FMN1: variants seen among roughly 807,000 people sequenced by gnomAD.
The protein encoded by FMN1 is formin 1, also known as formin-1.
A neutral mutation model predicts 132.4 loss-of-function variants in FMN1; 110 were observed. The observed-to-expected ratio is 0.83, with a 90% CI of 0.71 to 0.97. FMN1 has a LOEUF of 0.97. Among genes scored for constraint, FMN1 ranks in the 50% least tolerant of loss-of-function variants. FMN1 has a pLI of 0.00. For synonymous variants in FMN1, 722 were observed against 651.7 expected (o/e 1.11, Z -1.64); for missense variants, 1,792 against 1,705.3 (o/e 1.05, Z -0.90).
At position 32,862,392 on chromosome 15, in the gene FMN1, A is replaced by G. The variant is rs149967408; in HGVS notation, c.3836-5285T>C. ...TAAAAATATATTAATTTCCGAAGTT[A>G]GTTACTACTAAGTGATCACTGTGAG... On this transcript the variant is annotated intron_variant, in intron 16 of 20. Coordinates refer to ENST00000616417, the MANE Select transcript of FMN1 (RefSeq NM_001277313.2). Among the ~76,000 whole-genome samples the G allele has an allele frequency of 1.8e-3, 280 of 152,360 alleles. 1 individual carries two copies. Among genetic ancestry groups the G allele is most frequent in the African/African-American group, 6.5e-3 (269 of 41,594 alleles).
chr15:33,056,922 A>T (rs2037242919), intron 6 of FMN1, among the ~76,000 whole-genome samples: 1 of 152,230 alleles, frequency 6.6e-6, no homozygotes, highest in Admixed American at 6.5e-5. Context: ...CACACCTGTA[A>T]TCCCAGCGCT....
At chr15:33,178,803 T>C (rs969433724) in intron 3 of FMN1, among the ~76,000 whole-genome samples, 4 of 152,206 alleles carry the variant, frequency 2.6e-5, no homozygotes, top group East Asian at 1.9e-4. Context: ...TATTCAAGAA[T>C]AGAATCCCAA....
intron 4 of FMN1, among the ~76,000 whole-genome samples, chr15:33,093,806 G>C (rs2038985691): frequency 6.6e-6 from 1 of 152,192 alleles, no homozygotes; most frequent in Non-Finnish European, 1.5e-5. Flanking sequence ...TCTGAACATT[G>C]ATGAGGAAAG....
chr15:33,078,575 G>A (rs1036366207), intron 5 of FMN1, among the ~76,000 whole-genome samples: 3 of 150,884 alleles, frequency 2.0e-5, no homozygotes, highest in Non-Finnish European at 4.4e-5. Context: ...AATCCTTAAT[G>A]CAATTTAGAA....
At chr15:33,035,088 G>A (rs1455025324) in intron 6 of FMN1, among the ~76,000 whole-genome samples, 3 of 152,170 alleles carry the variant, frequency 2.0e-5, no homozygotes, top group Non-Finnish European at 2.9e-5. Flanking sequence ...GTTACAGAGA[G>A]AACCAATTCA....
At chr15:33,032,442 A>C (rs961006025) in intron 6 of FMN1, among the ~76,000 whole-genome samples, 1 of 152,200 alleles carries the variant, frequency 6.6e-6, no homozygotes, top group Non-Finnish European at 1.5e-5. Flanking sequence ...GTTATTAAAA[A>C]GTTAAGTGAA....
intron 6 of FMN1, among the ~76,000 whole-genome samples, chr15:33,054,546 T>C (rs920860894): frequency 1.3e-5 from 2 of 152,238 alleles, no homozygotes; most frequent in Non-Finnish European, 2.9e-5. Flanking sequence ...CATCCATCTA[T>C]ACTATTTCAT....
At chr15:33,131,523 A>G (rs562325663) in intron 4 of FMN1, among the ~76,000 whole-genome samples, 2 of 152,266 alleles carry the variant, frequency 1.3e-5, no homozygotes, top group South Asian at 4.1e-4. Context: ...TGTGGCCCAG[A>G]CCACTGCATA....
chr15:32,844,166 T>C (rs941462438), intron 17 of FMN1, among the ~76,000 whole-genome samples: 1 of 152,138 alleles, frequency 6.6e-6, no homozygotes, highest in African/African-American at 2.4e-5. Flanking sequence ...CCCAATCTGT[T>C]TGAAAGCAGA....
intron 9 of FMN1, among the ~76,000 whole-genome samples, chr15:32,945,455 T>C (rs985722930): frequency 2.0e-5 from 3 of 152,174 alleles, no homozygotes; most frequent in African/African-American, 7.2e-5. Context: ...TCCTGTCTTG[T>C]CTATATAATT....
chr15:33,149,617 A>G (rs929987995), intron 4 of FMN1, among the ~76,000 whole-genome samples: 1 of 152,226 alleles, frequency 6.6e-6, no homozygotes, highest in African/African-American at 2.4e-5. Context: ...GCATAGCAAC[A>G]TACTTTATGT....
In FMN1 at chr15:32,973,016, T is replaced by C. The variant is rs74012414; in HGVS notation, c.2224-3539A>G. Among the ~76,000 whole-genome samples, 408 of 152,326 alleles carry C rather than the reference T, an allele frequency of 2.7e-3. 3 individuals carry two copies. The highest frequency in any genetic ancestry group is 9.0e-3 in the African/African-American group (376 of 41,574). ...TCAACATGCTATTTGTCAAGTGTTA[T>C]TGATTTCTCTTGTCACCCCCACCAC... On this transcript the variant is annotated intron_variant, in intron 7 of 20. Coordinates refer to ENST00000616417, the MANE Select transcript of FMN1 (RefSeq NM_001277313.2).
chr15:33,119,500 A>G (rs190141325), intron 4 of FMN1, among the ~76,000 whole-genome samples: 1 of 152,326 alleles, frequency 6.6e-6, no homozygotes, highest in African/African-American at 2.4e-5. Context: ...AGCATTAATG[A>G]GTCCACCGTC....
intron 6 of FMN1, among the ~76,000 whole-genome samples, chr15:33,060,346 A>G (rs976422841): frequency 6.6e-6 from 1 of 152,216 alleles, no homozygotes; most frequent in Non-Finnish European, 1.5e-5. Flanking sequence ...AGGTGTTTAT[A>G]ACTCTCTTTG....
intron 4 of FMN1, among the ~76,000 whole-genome samples, chr15:33,107,845 C>T (rs1273429758): frequency 1.3e-5 from 2 of 152,048 alleles, no homozygotes; most frequent in Non-Finnish European, 2.9e-5. Context: ...CTATGATGAT[C>T]CCTCTTTGAA....
chr15:32,976,407 G>A (rs987416728), intron 7 of FMN1, among the ~76,000 whole-genome samples: 2 of 152,230 alleles, frequency 1.3e-5, no homozygotes, highest in South Asian at 2.1e-4. Flanking sequence ...ACATGCATAC[G>A]AGTTTCTTCT....
In FMN1 at chr15:32,770,590, C is replaced by T. The variant is rs2056200147; in HGVS notation, c.*3720G>A. 1.3e-5 allele frequency: 2 copies of T among 152,134 alleles called. No homozygotes were observed. The highest frequency in any genetic ancestry group is 6.5e-5 in the Admixed American group (1 of 15,270). The allele number at this position is 152,134 out of a possible 1,614,324, so 9.4% of individuals were successfully genotyped here. ...TCAGTTTTTCCAGTTTCTTTACCAG[C>T]AGTATCTGAACTTTTCATTTAGGAA... is the stretch of plus-strand genomic sequence containing the variant. On this transcript the variant is annotated 3_prime_UTR_variant, in exon 21 of 21. Transcript: ENST00000616417.
chr15:32,960,374 C>T lies in FMN1; in HGVS notation c.3138+3733G>A, dbSNP rs1245180522. 3.9e-5 allele frequency among the ~76,000 whole-genome samples: 6 copies of T among 152,232 alleles called. No individual in the cohort carries two copies. In the South Asian group the frequency reaches 8.3e-4, roughly 21 times the overall value. On this transcript the variant is annotated intron_variant, in intron 9 of 20. Transcript: ENST00000616417. ...CCTCCCACCAGGTCCCTCCTAGACA[C>T]GTGGGTACAATTTGACATGATATTT...
intron 7 of FMN1, among the ~76,000 whole-genome samples, chr15:32,980,291 G>A (rs1190286310): frequency 6.7e-6 from 1 of 150,112 alleles, no homozygotes; most frequent in African/African-American, 2.5e-5. Context: ...TAGAATTTGA[G>A]TGTCTAGGTC....
Sources: gnomAD v4.1 joint callset for allele counts (sites outside exome capture counted in the v4.1 genomes callset) on GRCh38, gnomAD v4.1.1 for gene constraint, MANE v1.5 for transcripts, NCBI Gene and HGNC (gene_info 2026-07-23, HGNC 2026-07-21) for gene names.